The following RSRC1 variants were observed in gnomAD, a reference collection of about 807,000 sequenced individuals.
RSRC1 encodes the protein serine/Arginine-related protein 53.
A neutral mutation model predicts 49.1 loss-of-function variants in RSRC1; 39 were observed. The observed-to-expected ratio is 0.79, with a 90% CI of 0.61 to 1.04. RSRC1 has a LOEUF of 1.04. Among genes scored for constraint, RSRC1 ranks in the 50% least tolerant of loss-of-function variants. The probability of loss-of-function intolerance (pLI) is 0.00; values close to 1 mark genes in which losing one functional copy is unlikely to be tolerated. For synonymous variants in RSRC1, 143 were observed against 130.8 expected (o/e 1.09, Z -0.63); for missense variants, 388 against 402.4 (o/e 0.96, Z 0.31).
chr3:158,485,613 G>A (rs1439143136), intron 7 of RSRC1, among the ~76,000 whole-genome samples: 1 of 151,758 alleles, frequency 6.6e-6, no homozygotes, highest in East Asian at 1.9e-4. Flanking sequence ...GAAGTTTTGT[G>A]GTTTTTATTT....
chr3:158,306,841 C>G (rs1199253270), intron 5 of RSRC1, among the ~76,000 whole-genome samples: 4 of 151,790 alleles, frequency 2.6e-5, no homozygotes, highest in Admixed American at 2.6e-4. Context: ...TTGACTCTAC[C>G]TTTTAAGTAA....
Position 158,354,858 on chromosome 3 carries a change from C to A in RSRC1, c.533C>A (p.Pro178Gln). ...AATTTTTTTTTTTTTCTTTTTTAGC[C>A]ACCAGCTGAACAGGCCAAAGCCAGA... is the stretch of plus-strand genomic sequence containing the variant. ...GNIKAGLEHLPPAEQAKARLQ... is the reference protein window; with the variant it reads ...GNIKAGLEHLQPAEQAKARLQ... Residue 178 changes from proline to glutamine, a missense_variant and splice_region_variant, in exon 6 of 10, where the codon CCA (proline) becomes CAA (glutamine). Coordinates refer to ENST00000611884, the MANE Select transcript of RSRC1 (RefSeq NM_001271838.2). The A allele has an allele frequency of 6.5e-7, 1 of 1,548,406 alleles. No homozygotes were observed. The highest frequency in any genetic ancestry group is 2.4e-5 in the East Asian group (1 of 41,756).
At chr3:158,228,753 A>G (rs570702567) in intron 4 of RSRC1, among the ~76,000 whole-genome samples, 1 of 151,380 alleles carries the variant, frequency 6.6e-6, no homozygotes, top group South Asian at 2.2e-4. Context: ...TGTTGTTTAT[A>G]TATGTGTGTG....
At chr3:158,390,789 T>C (rs557550870) in intron 6 of RSRC1, among the ~76,000 whole-genome samples, 2 of 152,112 alleles carry the variant, frequency 1.3e-5, no homozygotes, top group Non-Finnish European at 2.9e-5. Flanking sequence ...ACAAGTGAAA[T>C]TTGTCAATGA....
chr3:158,321,899 T>G (rs1728783739), intron 5 of RSRC1, among the ~76,000 whole-genome samples: 1 of 151,798 alleles, frequency 6.6e-6, no homozygotes, highest in Non-Finnish European at 1.5e-5. Context: ...TATTATAAAC[T>G]TAATGCAATA....
chr3:158,266,971 G>A lies in RSRC1; in HGVS notation c.495-31068G>A, dbSNP rs182311654. On this transcript the variant is annotated intron_variant, in intron 4 of 9. Transcript: ENST00000611884. ...TAGAGACACTGTTTCGCTGTGTTGC[G>A]CAGGCTGGTCTCAAACCCCTGAGCT... Among the ~76,000 whole-genome samples the A allele has an allele frequency of 1.4e-3, 209 of 152,172 alleles. 1 individual carries two copies. The highest frequency in any genetic ancestry group is 3.9e-3 in the African/African-American group (164 of 41,526).
intron 7 of RSRC1, among the ~76,000 whole-genome samples, chr3:158,530,135 C>T (rs960467301): frequency 6.6e-6 from 1 of 151,930 alleles, no homozygotes; most frequent in Non-Finnish European, 1.5e-5. Context: ...ATATTGCCAG[C>T]TTATTATAAA....
intron 6 of RSRC1, among the ~76,000 whole-genome samples, chr3:158,448,423 A>T (rs531238494): frequency 6.6e-6 from 1 of 151,934 alleles, no homozygotes; most frequent in Non-Finnish European, 1.5e-5. Flanking sequence ...GCAGGACTGG[A>T]GAAGATACAT....
At chr3:158,500,537 C>T (rs958332360) in intron 7 of RSRC1, among the ~76,000 whole-genome samples, 1 of 151,992 alleles carries the variant, frequency 6.6e-6, no homozygotes. Context: ...TTCAATCTCA[C>T]TGCTCATTAT....
intron 4 of RSRC1, among the ~76,000 whole-genome samples, chr3:158,290,433 C>T (rs879415404): frequency 2.0e-5 from 3 of 151,858 alleles, no homozygotes; most frequent in Admixed American, 6.6e-5. Context: ...CCACCACGCC[C>T]AGCTAATTTT....
At chr3:158,150,655 T>C (rs1717468916) in intron 3 of RSRC1, among the ~76,000 whole-genome samples, 1 of 152,138 alleles carries the variant, frequency 6.6e-6, no homozygotes, top group Non-Finnish European at 1.5e-5. Flanking sequence ...GGTTGTTCCT[T>C]GGCTTAGCTT....
chr3:158,306,148 A>G (rs1727826904), intron 5 of RSRC1, among the ~76,000 whole-genome samples: 1 of 151,966 alleles, frequency 6.6e-6, no homozygotes, highest in South Asian at 2.1e-4. Context: ...TCATTGTAAT[A>G]TGTCAAAAAA....
intron 6 of RSRC1, among the ~76,000 whole-genome samples, chr3:158,458,101 A>G (rs1386536865): frequency 1.3e-5 from 2 of 152,100 alleles, no homozygotes; most frequent in African/African-American, 2.4e-5. Context: ...AGTCTGAGAA[A>G]ATATAAGGGA....
At chr3:158,359,087 A>G (rs1467983831) in intron 6 of RSRC1, among the ~76,000 whole-genome samples, 1 of 152,104 alleles carries the variant, frequency 6.6e-6, no homozygotes, top group Non-Finnish European at 1.5e-5. Context: ...GGAGGGTGAT[A>G]GTGGGGTCAT....
intron 5 of RSRC1, among the ~76,000 whole-genome samples, chr3:158,331,019 AG>A (rs1729512972): frequency 6.6e-6 from 1 of 152,218 alleles, no homozygotes; most frequent in South Asian, 2.1e-4. Flanking sequence ...GAGCATGTGC[AG>A]GGGAATTCCC....
At chr3:158,480,654 A>G (rs1374829802) in intron 7 of RSRC1, among the ~76,000 whole-genome samples, 2 of 152,040 alleles carry the variant, frequency 1.3e-5, no homozygotes, top group African/African-American at 2.4e-5. Context: ...GAACTTGTCT[A>G]TAATTTATTT....
At chr3:158,297,427 G>C (rs917863656) in intron 4 of RSRC1, among the ~76,000 whole-genome samples, 1 of 151,780 alleles carries the variant, frequency 6.6e-6, no homozygotes, top group Non-Finnish European at 1.5e-5. Flanking sequence ...TGTTTTCTTT[G>C]GTGATATTTT....
chr3:158,325,789 G>C (rs1464149482), intron 5 of RSRC1, among the ~76,000 whole-genome samples: 1 of 152,104 alleles, frequency 6.6e-6, no homozygotes, highest in African/African-American at 2.4e-5. Flanking sequence ...GCTTGATGGG[G>C]ATAGCACTGA....
intron 6 of RSRC1, among the ~76,000 whole-genome samples, chr3:158,453,222 C>CCAGTGCCTGGGAGACTAGAAAATGT (rs1737141005): frequency 6.6e-6 from 1 of 151,630 alleles, no homozygotes; most frequent in African/African-American, 2.4e-5. Context: ...CACACATTTT[C>CCAGTGCCTGGGAGACTAGAAAATGT]AAACTCTTGT....
Sources: allele counts gnomAD v4.1 joint callset (sites outside exome capture counted in the v4.1 genomes callset), GRCh38; gene constraint gnomAD v4.1.1; transcripts MANE v1.5; gene names NCBI Gene and HGNC (gene_info 2026-07-23, HGNC 2026-07-21).